The following STAG1 variants were observed in gnomAD, a reference collection of about 807,000 sequenced individuals.
The protein encoded by STAG1 is cohesin subunit SA-1.
In STAG1, 26 loss-of-function variants were observed where a neutral mutation model predicts 170.9. The observed-to-expected ratio is 0.15, with a 90% CI of 0.11 to 0.21. The LOEUF (loss-of-function observed/expected upper bound fraction) is 0.21, where lower values mean the gene tolerates loss of function less well. Ranked by LOEUF, STAG1 falls within the 10% of genes least tolerant of loss-of-function variation. STAG1 has a pLI of 1.00. For missense variants in STAG1, 964 were observed against 1,509.5 expected, an observed-to-expected ratio of 0.64 and a Z score of 5.99; for synonymous variants, 514 against 497.7, an observed-to-expected ratio of 1.03 and a Z score of -0.44.
intron 15 of STAG1, among the ~76,000 whole-genome samples, chr3:136,440,045 AATT>A (rs2088585433): frequency 6.6e-6 from 1 of 152,376 alleles, no homozygotes; most frequent in Admixed American, 6.5e-5. Flanking sequence ...AACACTTAGT[AATT>A]ATTATTTACT....
chr3:136,509,273 C>A (rs564631812), intron 7 of STAG1, among the ~76,000 whole-genome samples: 46 of 151,672 alleles, frequency 3.0e-4, no homozygotes, highest in South Asian at 6.2e-4. Context: ...AATGTGAAGA[C>A]TGGATAGGAA....
chr3:136,702,125 G>C (rs917624930), intron 1 of STAG1, among the ~76,000 whole-genome samples: 1 of 96,912 alleles, frequency 1.0e-5, no homozygotes, highest in African/African-American at 7.0e-5. Context: ...GAGAGAGACA[G>C]AGAGACAGAG....
At chr3:136,394,884 C>T (rs991168266) in intron 22 of STAG1, among the ~76,000 whole-genome samples, 6 of 142,910 alleles carry the variant, frequency 4.2e-5, no homozygotes, top group East Asian at 2.1e-4. Flanking sequence ...ACCTGGGAGG[C>T]GGAGACTGCA....
Position 136,443,339 on chromosome 3 carries a change from G to C in STAG1, c.1494C>G (p.Asp498Glu). ...LWESSQELLK[D>E]WECMTELLLE... ...ATAGCAACTCTGTCATACATTCCCAGTCTTTCAACAGTTCTTGAGAGCTCT... is the reference window on the plus strand; with the variant it reads ...ATAGCAACTCTGTCATACATTCCCACTCTTTCAACAGTTCTTGAGAGCTCT... The change falls in exon 15 of 34, where the codon GAC becomes GAG. Residue 498 changes from aspartate to glutamate, a missense_variant. Physicochemically the swap from Asp to Glu is conservative, Grantham distance 45. Coordinates refer to ENST00000383202, the MANE Select transcript of STAG1 (RefSeq NM_005862.3). The C allele has an allele frequency of 6.2e-7, 1 of 1,613,788 alleles. No homozygotes were observed. The highest frequency in any genetic ancestry group is 8.5e-7 in the Non-Finnish European group (1 of 1,179,914).
At chr3:136,349,522 A>T (rs1414637330) in intron 28 of STAG1, among the ~76,000 whole-genome samples, 159 bp from the exon 29 acceptor site, 1 of 152,190 alleles carries the variant, frequency 6.6e-6, no homozygotes, top group Non-Finnish European at 1.5e-5. Context: ...AGAGGGACTG[A>T]GGAGTTAAGG....
chr3:136,632,492 A>T (rs1309946593), intron 1 of STAG1, among the ~76,000 whole-genome samples: 2 of 152,128 alleles, frequency 1.3e-5, no homozygotes, highest in Non-Finnish European at 2.9e-5. Flanking sequence ...CCTTCTCAAA[A>T]ATGATAGCTG....
At chr3:136,624,950 T>C (rs999238701) in intron 2 of STAG1, among the ~76,000 whole-genome samples, 5 of 152,224 alleles carry the variant, frequency 3.3e-5, no homozygotes, top group African/African-American at 1.2e-4. Flanking sequence ...GTATTTACTA[T>C]TTTTATTTTT....
chr3:136,370,269 T>C (rs1054314688), intron 23 of STAG1, among the ~76,000 whole-genome samples: 3 of 152,118 alleles, frequency 2.0e-5, no homozygotes, highest in Non-Finnish European at 4.4e-5. Flanking sequence ...GACGTTCCAA[T>C]GAGACATGTG....
intron 1 of STAG1, among the ~76,000 whole-genome samples, chr3:136,738,611 T>C (rs1404561224): frequency 6.6e-6 from 1 of 152,080 alleles, no homozygotes; most frequent in Non-Finnish European, 1.5e-5. Context: ...AGATCGATCG[T>C]ACCACTGCCA....
chr3:136,375,295 C>G (rs1937532776), intron 23 of STAG1, among the ~76,000 whole-genome samples: 1 of 152,092 alleles, frequency 6.6e-6, no homozygotes, highest in African/African-American at 2.4e-5. Flanking sequence ...GCCAAATTTG[C>G]CCTATTTAAT....
intron 3 of STAG1, among the ~76,000 whole-genome samples, chr3:136,605,828 G>A (rs1421693613): frequency 6.6e-6 from 1 of 152,122 alleles, no homozygotes; most frequent in Non-Finnish European, 1.5e-5. Context: ...TTTGTAAAAG[G>A]AAGGTACTAG....
intron 13 of STAG1, among the ~76,000 whole-genome samples, chr3:136,463,079 C>G (rs995564005): frequency 6.6e-6 from 1 of 152,140 alleles, no homozygotes; most frequent in Non-Finnish European, 1.5e-5. Flanking sequence ...TTCTTGGTAT[C>G]AGTGACAGAC....
intron 15 of STAG1, among the ~76,000 whole-genome samples, chr3:136,440,171 A>G (rs1441844860): frequency 6.6e-6 from 1 of 151,946 alleles, no homozygotes; most frequent in Admixed American, 6.6e-5. Context: ...GGAGTCTCAC[A>G]CTGTCACCCA....
At chr3:136,635,656 T>C (rs1171489673) in intron 1 of STAG1, among the ~76,000 whole-genome samples, 2 of 152,096 alleles carry the variant, frequency 1.3e-5, no homozygotes, top group African/African-American at 4.8e-5. Flanking sequence ...GTACATAGCT[T>C]GGGAAAGAAG....
At chr3:136,612,567 C>T (rs144449180) in intron 3 of STAG1, among the ~76,000 whole-genome samples, 1 of 152,272 alleles carries the variant, frequency 6.6e-6, no homozygotes, top group African/African-American at 2.4e-5. Context: ...GTGGCATGTG[C>T]CTGTAGCTCC....
At chr3:136,715,808 GA>G (rs1267315516) in intron 1 of STAG1, among the ~76,000 whole-genome samples, 1 of 150,872 alleles carries the variant, frequency 6.6e-6, no homozygotes, top group African/African-American at 2.4e-5. Context: ...TATATAAACT[GA>G]AATGATGGCC....
intron 3 of STAG1, among the ~76,000 whole-genome samples, chr3:136,621,994 A>G (rs1406427202): frequency 3.1e-4 from 21 of 68,464 alleles, no homozygotes; most frequent in Non-Finnish European, 6.2e-4. Context: ...GTGGTGTGGA[A>G]AAAAAAAAAA....
intron 7 of STAG1, among the ~76,000 whole-genome samples, chr3:136,517,141 T>C (rs934017933): frequency 6.6e-6 from 1 of 152,176 alleles, no homozygotes; most frequent in African/African-American, 2.4e-5. Context: ...AAAGAAATGT[T>C]TATCCCTCAG....
At chr3:136,687,236 T>C (rs1213809596) in intron 1 of STAG1, among the ~76,000 whole-genome samples, 1 of 152,342 alleles carries the variant, frequency 6.6e-6, no homozygotes, top group South Asian at 2.1e-4. Flanking sequence ...GCACAACAGG[T>C]AATTCCATCT....
Sources: allele counts gnomAD v4.1 joint callset (sites outside exome capture counted in the v4.1 genomes callset), GRCh38; gene constraint gnomAD v4.1.1; transcripts MANE v1.5; gene names NCBI Gene and HGNC (gene_info 2026-07-23, HGNC 2026-07-21).